EXT1: variants seen among roughly 807,000 people sequenced by gnomAD.
The protein encoded by EXT1 is exostosin glycosyltransferase 1, also known as exostosin-1.
A neutral mutation model predicts 82.5 loss-of-function variants in EXT1; 20 were observed. The ratio of observed to expected loss-of-function variants is 0.24; its 90% CI spans 0.17 to 0.35. The LOEUF (loss-of-function observed/expected upper bound fraction) is 0.35, where lower values mean the gene tolerates loss of function less well. Ranked by LOEUF, EXT1 falls within the 10% of genes least tolerant of loss-of-function variation. EXT1 has a pLI of 1.00. For synonymous variants in EXT1, 348 were observed against 350.8 expected (o/e 0.99, Z 0.09); for missense variants, 757 against 936.5 (o/e 0.81, Z 2.50).
intron 1 of EXT1, among the ~76,000 whole-genome samples, chr8:118,055,700 A>C (rs1052707294): frequency 1.6e-4 from 25 of 152,226 alleles, no homozygotes; most frequent in Non-Finnish European, 3.5e-4. Context: ...AAATCAATAT[A>C]ATAGAGCCTC....
At chr8:118,103,194 T>C (rs1250936870) in intron 1 of EXT1, among the ~76,000 whole-genome samples, 1 of 147,968 alleles carries the variant, frequency 6.8e-6, no homozygotes, top group Non-Finnish European at 1.5e-5. Flanking sequence ...TTGTCCAGGG[T>C]GGAGTGCAGT....
At chr8:117,901,593 T>A (rs188841823) in intron 1 of EXT1, among the ~76,000 whole-genome samples, 2 of 152,314 alleles carry the variant, frequency 1.3e-5, no homozygotes, top group Admixed American at 1.3e-4. Flanking sequence ...TTACTGTAAG[T>A]TTTTTACCTT....
chr8:118,022,638 CA>C (rs113277665), intron 1 of EXT1, among the ~76,000 whole-genome samples: 680 of 137,462 alleles, frequency 4.9e-3, no homozygotes, highest in African/African-American at 5.6e-3. Context: ...ACGCCTGGCC[CA>C]AAAAAAAAAA....
chr8:117,850,875 C>T (rs997185811), intron 1 of EXT1, among the ~76,000 whole-genome samples: 2 of 152,150 alleles, frequency 1.3e-5, no homozygotes, highest in African/African-American at 4.8e-5. Context: ...CAAGGGTAGA[C>T]CATTGGTGTG....
intron 1 of EXT1, among the ~76,000 whole-genome samples, chr8:117,848,049 G>C (rs771392532): frequency 1.3e-5 from 2 of 152,126 alleles, no homozygotes; most frequent in Non-Finnish European, 2.9e-5. Flanking sequence ...ACACAAACAA[G>C]ACCTCAGAAC....
chr8:117,994,054 C>T (rs1473977818), intron 1 of EXT1, among the ~76,000 whole-genome samples: 1 of 152,160 alleles, frequency 6.6e-6, no homozygotes, highest in Non-Finnish European at 1.5e-5. Flanking sequence ...TCTCTAAAAG[C>T]GGATGCTAGA....
At chr8:118,034,746 G>A (rs1816389008) in intron 1 of EXT1, among the ~76,000 whole-genome samples, 1 of 152,142 alleles carries the variant, frequency 6.6e-6, no homozygotes, top group South Asian at 2.1e-4. Flanking sequence ...ATTCAAAAGG[G>A]GGACGATGGC....
intron 1 of EXT1, among the ~76,000 whole-genome samples, chr8:117,891,047 C>A (rs895487916): frequency 2.6e-5 from 4 of 152,178 alleles, no homozygotes; most frequent in Non-Finnish European, 2.9e-5. Context: ...CCAAGTTTCT[C>A]AGGGGATTTA....
chr8:118,043,863 C>T (rs1390314337), intron 1 of EXT1, among the ~76,000 whole-genome samples: 1 of 152,196 alleles, frequency 6.6e-6, no homozygotes, highest in Non-Finnish European at 1.5e-5. Context: ...CAACTCACTT[C>T]CAGAAAGGGA....
At chr8:118,100,029 C>A (rs1240078736) in intron 1 of EXT1, among the ~76,000 whole-genome samples, 1 of 152,140 alleles carries the variant, frequency 6.6e-6, no homozygotes, top group African/African-American at 2.4e-5. Context: ...ACCAGGTCAC[C>A]ACCATACCCA....
intron 4 of EXT1, among the ~76,000 whole-genome samples, chr8:117,822,876 T>C (rs554026425): frequency 1.3e-5 from 2 of 152,330 alleles, no homozygotes; most frequent in East Asian, 3.9e-4. Flanking sequence ...AATGAGTCCA[T>C]GCTCATTCCA....
intron 1 of EXT1, among the ~76,000 whole-genome samples, chr8:118,102,748 T>C (rs1817741857): frequency 6.6e-6 from 1 of 152,226 alleles, no homozygotes; most frequent in African/African-American, 2.4e-5. Flanking sequence ...TGGCTAACAC[T>C]TATAATAGAA....
chr8:117,983,963 T>C (rs978865456), intron 1 of EXT1, among the ~76,000 whole-genome samples: 2 of 152,208 alleles, frequency 1.3e-5, no homozygotes, highest in Non-Finnish European at 2.9e-5. Flanking sequence ...AAACCCACTA[T>C]TTACGATGCA....
chr8:118,028,944 T>C (rs1413136511), intron 1 of EXT1, among the ~76,000 whole-genome samples: 1 of 151,882 alleles, frequency 6.6e-6, no homozygotes, highest in Non-Finnish European at 1.5e-5. Context: ...ATAAATAAAT[T>C]AGCCATAAAG....
At chr8:118,039,871 C>G (rs1020181580) in intron 1 of EXT1, among the ~76,000 whole-genome samples, 2 of 152,164 alleles carry the variant, frequency 1.3e-5, no homozygotes, top group Non-Finnish European at 2.9e-5. Flanking sequence ...AAAGCCACTA[C>G]AGTAGAAAGG....
intron 1 of EXT1, among the ~76,000 whole-genome samples, chr8:118,053,660 C>T (rs1816752678): frequency 6.6e-6 from 1 of 152,108 alleles, no homozygotes; most frequent in Non-Finnish European, 1.5e-5. Flanking sequence ...AATCGGTGGC[C>T]TCAGTTACAA....
In EXT1 at chr8:117,965,041, TAAAAATG is replaced by T. The variant is rs538231888; in HGVS notation, c.963-127847_963-127841del. On this transcript the variant is annotated intron_variant, in intron 1 of 10. Coordinates refer to ENST00000378204, the MANE Select transcript of EXT1 (RefSeq NM_000127.3). ...AATATTTGTTGAAAAAATGAATACA[TAAAAATG>T]AAAAAGTCAGAAATAAATGATTTAA... Among the ~76,000 whole-genome samples the T allele has an allele frequency of 6.0e-4, 92 of 152,260 alleles. No homozygotes were observed. In the East Asian group the frequency reaches 0.01, roughly 17 times the overall value.
chr8:117,820,883 T>C (rs1364536382), intron 5 of EXT1, among the ~76,000 whole-genome samples: 1 of 152,024 alleles, frequency 6.6e-6, no homozygotes, highest in Non-Finnish European at 1.5e-5. Context: ...AGAAAAAAAG[T>C]ATGTGAGGCA....
chr8:118,033,800 T>C (rs1157048027), intron 1 of EXT1, among the ~76,000 whole-genome samples: 2 of 152,220 alleles, frequency 1.3e-5, no homozygotes, highest in African/African-American at 4.8e-5. Flanking sequence ...ATTTATTGAA[T>C]GAAAAGTTTG....
Sources: gnomAD v4.1 joint callset for allele counts (sites outside exome capture counted in the v4.1 genomes callset) on GRCh38, gnomAD v4.1.1 for gene constraint, MANE v1.5 for transcripts, NCBI Gene and HGNC (gene_info 2026-07-23, HGNC 2026-07-21) for gene names.